Variants in ELMO1 observed in about 807,000 individuals in gnomAD.
The protein encoded by ELMO1 is engulfment and cell motility protein 1.
ELMO1 carries 26 observed loss-of-function variants against 98.9 expected under a neutral mutation model. The ratio of observed to expected loss-of-function variants is 0.26; its 90% CI spans 0.19 to 0.36. The LOEUF is 0.36. ELMO1 is among the 10% of genes least tolerant of loss of function. The probability of loss-of-function intolerance (pLI) is 1.00; values close to 1 mark genes in which losing one functional copy is unlikely to be tolerated. For missense variants in ELMO1, 627 were observed against 935.2 expected (o/e 0.67, Z 4.30); for synonymous variants, 346 against 346.0 (o/e 1.00, Z 0.00).
chr7:37,236,881 G>A (rs1018313395), intron 7 of ELMO1, among the ~76,000 whole-genome samples: 1 of 152,220 alleles, frequency 6.6e-6, no homozygotes, highest in African/African-American at 2.4e-5. Flanking sequence ...AACCGGGAAA[G>A]CAGAAGGCAA....
chr7:36,982,709 T>C (rs1791172630), intron 16 of ELMO1, among the ~76,000 whole-genome samples: 1 of 152,262 alleles, frequency 6.6e-6, no homozygotes, highest in Non-Finnish European at 1.5e-5. Flanking sequence ...TATTTTTTTA[T>C]GTCAGATAAG....
At chr7:36,872,161 G>T (rs761244932) in intron 19 of ELMO1, among the ~76,000 whole-genome samples, 10 of 152,188 alleles carry the variant, frequency 6.6e-5, no homozygotes, top group African/African-American at 1.4e-4. Flanking sequence ...TCTAGGTGGA[G>T]GCCCTCCATT....
At chr7:37,183,365 A>G (rs1791001563) in intron 13 of ELMO1, among the ~76,000 whole-genome samples, 1 of 152,246 alleles carries the variant, frequency 6.6e-6, no homozygotes, top group African/African-American at 2.4e-5. Flanking sequence ...AATTAGTGCC[A>G]TTTTTTATAC....
intron 14 of ELMO1, among the ~76,000 whole-genome samples, chr7:37,116,492 G>A (rs1224558829): frequency 6.6e-6 from 1 of 152,112 alleles, no homozygotes; most frequent in African/African-American, 2.4e-5. Context: ...GCTAAGTCTT[G>A]GCTGGTACCT....
intron 6 of ELMO1, among the ~76,000 whole-genome samples, chr7:37,246,341 G>C (rs1360328120): frequency 6.6e-6 from 1 of 152,176 alleles, no homozygotes; most frequent in African/African-American, 2.4e-5. Context: ...TTGGGGTAAT[G>C]AGGCTTTACA....
intron 14 of ELMO1, among the ~76,000 whole-genome samples, chr7:37,128,599 T>C (rs145295676): frequency 1.4e-4 from 21 of 152,302 alleles, no homozygotes; most frequent in Non-Finnish European, 2.5e-4. Context: ...TACAAAACTT[T>C]ATTCAAATAT....
chr7:37,376,847 G>T (rs755983171), intron 1 of ELMO1, among the ~76,000 whole-genome samples: 1 of 152,210 alleles, frequency 6.6e-6, no homozygotes, highest in Non-Finnish European at 1.5e-5. Flanking sequence ...CAGGCAAGAA[G>T]AACCCACTGG....
intron 4 of ELMO1, among the ~76,000 whole-genome samples, chr7:37,309,954 T>G (rs935235717): frequency 6.6e-6 from 1 of 152,154 alleles, no homozygotes; most frequent in Non-Finnish European, 1.5e-5. Context: ...TTCTGCAAAA[T>G]AGTGGAATCA....
chr7:37,442,027 AAGC>A (rs1409235575), intron 1 of ELMO1, among the ~76,000 whole-genome samples: 2 of 152,238 alleles, frequency 1.3e-5, no homozygotes, highest in East Asian at 3.8e-4. Flanking sequence ...CAGGAAGACA[AAGC>A]AGCAGTTCTC....
intron 13 of ELMO1, among the ~76,000 whole-genome samples, chr7:37,141,874 T>A (rs1787665865): frequency 6.6e-6 from 1 of 152,226 alleles, no homozygotes; most frequent in African/African-American, 2.4e-5. Flanking sequence ...CCCATGCTGA[T>A]CTGAAATTTT....
At chr7:37,114,908 C>A (rs1260003133) in intron 14 of ELMO1, among the ~76,000 whole-genome samples, 2 of 151,860 alleles carry the variant, frequency 1.3e-5, no homozygotes, top group Non-Finnish European at 2.9e-5. Context: ...TTATTAGCAT[C>A]AAAAATGAAA....
chr7:37,226,747 T>C (rs4723619), intron 8 of ELMO1, among the ~76,000 whole-genome samples: 10,309 of 152,208 alleles, frequency 0.068, 650 homozygotes, highest in East Asian at 0.23. Flanking sequence ...GTTGCTGATA[T>C]TGTCAAGCAC....
intron 16 of ELMO1, among the ~76,000 whole-genome samples, chr7:36,927,695 C>G (rs1206598620): frequency 1.3e-5 from 2 of 152,200 alleles, no homozygotes; most frequent in Non-Finnish European, 2.9e-5. Context: ...CAGTCCCAGA[C>G]TATTTTGTTT....
At chr7:37,227,647 A>ATT (rs1339284903) in intron 8 of ELMO1, among the ~76,000 whole-genome samples, 3 of 152,040 alleles carry the variant, frequency 2.0e-5, no homozygotes, top group African/African-American at 7.3e-5. Context: ...CGGCCTCCCA[A>ATT]AGTGCTGGGA....
In ELMO1 at chr7:36,870,362, A is replaced by G. The variant is rs1304263621; in HGVS notation, c.1905+31T>C. On this transcript the variant is annotated intron_variant, in intron 20 of 21. Transcript: ENST00000310758. This position sits in a 1 kb window ranked among gnomAD's most constrained non-coding sequence, Gnocchi z 4.4. ...CAGTTGCCGACCGCACTGGGCAAAT[A>G]GAGCTATTTGCAATAATTTGGAAAT... 6.2e-7 allele frequency: 1 copy of G among 1,610,272 alleles called. No homozygotes were observed. Among genetic ancestry groups the G allele is most frequent in the South Asian group, 1.1e-5 (1 of 90,976 alleles).
At chr7:36,989,423 G>A (rs1015032759) in intron 16 of ELMO1, among the ~76,000 whole-genome samples, 1 of 152,130 alleles carries the variant, frequency 6.6e-6, no homozygotes, top group Non-Finnish European at 1.5e-5. Context: ...GAATTTCAGG[G>A]GGCAGAATCA....
At chr7:37,199,403 T>C (rs1489690961) in intron 13 of ELMO1, among the ~76,000 whole-genome samples, 1 of 152,142 alleles carries the variant, frequency 6.6e-6, no homozygotes, top group Non-Finnish European at 1.5e-5. Flanking sequence ...GAGGTTGCAG[T>C]GAGCCATGAT....
chr7:36,934,512 A>G (rs1786338833), intron 16 of ELMO1, among the ~76,000 whole-genome samples: 1 of 152,160 alleles, frequency 6.6e-6, no homozygotes, highest in African/African-American at 2.4e-5. Flanking sequence ...AAGGGCTCAC[A>G]GCTGTGTACT....
chr7:36,930,967 C>T (rs189237373), intron 16 of ELMO1, among the ~76,000 whole-genome samples: 12 of 152,300 alleles, frequency 7.9e-5, no homozygotes, highest in Admixed American at 4.6e-4. Context: ...TCCTCAAAAG[C>T]GGTCAGAATG....
Sources: allele counts gnomAD v4.1 joint callset (sites outside exome capture counted in the v4.1 genomes callset), GRCh38; gene constraint gnomAD v4.1.1; non-coding constraint Gnocchi (gnomAD v3.1); transcripts MANE v1.5; gene names NCBI Gene and HGNC (gene_info 2026-07-23, HGNC 2026-07-21).